MYOF: variants seen among roughly 807,000 people sequenced by gnomAD.
MYOF encodes fer-1-like 3, myoferlin.
In MYOF, 244 loss-of-function variants were observed where a neutral mutation model predicts 284.2. That is an observed-to-expected ratio of 0.86 (90% CI 0.77 to 0.95). MYOF has a LOEUF of 0.95. Ranked by LOEUF, MYOF falls within the 40% of genes least tolerant of loss-of-function variation. The pLI is 0.00. For missense variants in MYOF, 2,496 were observed against 2,560.6 expected, an observed-to-expected ratio of 0.97 and a Z score of 0.54; for synonymous variants, 904 against 919.7, an observed-to-expected ratio of 0.98 and a Z score of 0.31.
At chr10:93,340,967 G>A (rs545164119) in intron 38 of MYOF, among the ~76,000 whole-genome samples, 1 of 152,138 alleles carries the variant, frequency 6.6e-6, no homozygotes, top group Non-Finnish European at 1.5e-5. Context: ...TCTTCCTCCG[G>A]TTGCCATGTG....
intron 29 of MYOF, among the ~76,000 whole-genome samples, chr10:93,359,107 C>T (rs1337365459): frequency 6.6e-6 from 1 of 152,124 alleles, no homozygotes; most frequent in East Asian, 1.9e-4. Context: ...TAGTGCCTAC[C>T]GGAGTTACCC....
chr10:93,323,249 G>A (rs1169336863), intron 47 of MYOF, 21 bp downstream of exon 47: 2 of 1,613,748 alleles, frequency 1.2e-6, no homozygotes, highest in African/African-American at 1.3e-5. Context: ...ATGTATCAGG[G>A]TCTCAGGATG....
chr10:93,306,839 C>T lies in MYOF; in HGVS notation c.*124G>A, dbSNP rs1010741574. ...AGACCCTCTGGGAATCAATGGGGCT[C>T]GGTGACATGGCGTAACCTGCTACTG... is the stretch of plus-strand genomic sequence containing the variant. On this transcript the variant is annotated 3_prime_UTR_variant, in exon 54 of 54. Transcript: ENST00000359263. The T allele has an allele frequency of 2.3e-5, 23 of 1,002,118 alleles. No homozygotes were observed. The highest frequency in any genetic ancestry group is 4.9e-5 in the African/African-American group (3 of 60,650). The allele number at this position is 1,002,118 out of a possible 1,614,324, so 62.1% of individuals were successfully genotyped here.
chr10:93,308,722 A>AT (rs1450032650), intron 53 of MYOF, among the ~76,000 whole-genome samples: 5 of 151,216 alleles, frequency 3.3e-5, no homozygotes, highest in Admixed American at 1.3e-4. Context: ...CTACGATACT[A>AT]TTTTTTTGAG....
intron 37 of MYOF, among the ~76,000 whole-genome samples, chr10:93,345,496 G>T (rs1284681479): frequency 6.6e-6 from 1 of 152,158 alleles, no homozygotes; most frequent in Non-Finnish European, 1.5e-5. Flanking sequence ...TGATATATCA[G>T]TTACTGTGTG....
At chr10:93,328,470 AT>A (rs1050845551) in intron 45 of MYOF, among the ~76,000 whole-genome samples, 1 of 152,192 alleles carries the variant, frequency 6.6e-6, no homozygotes, top group South Asian at 2.1e-4. Context: ...CTGTATGGGC[AT>A]TTTTTTAGCT....
intron 39 of MYOF, among the ~76,000 whole-genome samples, 182 bp downstream of exon 39, chr10:93,339,971 C>A (rs915900282): frequency 6.6e-6 from 1 of 151,968 alleles, no homozygotes; most frequent in Admixed American, 6.6e-5. Context: ...TCCAGCTACG[C>A]GGGAGGCTGA....
intron 40 of MYOF, among the ~76,000 whole-genome samples, chr10:93,337,133 G>GTT (rs1554840423): frequency 1.6e-4 from 22 of 135,256 alleles, no homozygotes; most frequent in African/African-American, 3.0e-4. Context: ...AAAGGTGTGG[G>GTT]TTTTTTTTTT....
At chr10:93,463,394 A>AATTT (rs34592074) in intron 1 of MYOF, among the ~76,000 whole-genome samples, 31,506 of 79,606 alleles carry the variant, frequency 0.4, 7,742 homozygotes, top group South Asian at 0.56. Context: ...GTCTCTACAA[A>AATTT]TTTTTTTTTT....
At chr10:93,307,201 G>T (rs773350171) in intron 53 of MYOF, among the ~76,000 whole-genome samples, 200 bp from the exon 54 acceptor site, 1 of 147,572 alleles carries the variant, frequency 6.8e-6, no homozygotes, top group South Asian at 2.3e-4. Context: ...CCCCCGCCAA[G>T]TTGTTGCAAC....
chr10:93,469,653 G>A (rs1564742741), intron 1 of MYOF, among the ~76,000 whole-genome samples: 2 of 152,182 alleles, frequency 1.3e-5, no homozygotes, highest in African/African-American at 4.8e-5. Flanking sequence ...ACTGCCAAGA[G>A]TAAGCAGCAG....
At chr10:93,336,148 G>T (rs1182905218) in intron 40 of MYOF, 102 bp from the exon 41 acceptor site, 2 of 1,348,558 alleles carry the variant, frequency 1.5e-6, no homozygotes, top group African/African-American at 2.9e-5. Context: ...TGTGGATGGG[G>T]CGACCGGAAC....
chr10:93,370,983 G>A lies in MYOF; in HGVS notation c.2458-1207C>T, dbSNP rs369013028. Among the ~76,000 whole-genome samples the A allele has an allele frequency of 1.3e-3, 194 of 152,210 alleles. 9 individuals carry two copies. In the South Asian group the frequency reaches 0.039, roughly 31 times the overall value. ...AAAATAATAGAGTGTTGGAAAACAT[G>A]AATCTGTAACAATAAGTTTGATAGC... On this transcript the variant is annotated intron_variant, in intron 24 of 53. Coordinates refer to ENST00000359263, the MANE Select transcript of MYOF (RefSeq NM_013451.4).
At chr10:93,454,918 G>A (rs112523695) in intron 2 of MYOF, among the ~76,000 whole-genome samples, 5 of 147,882 alleles carry the variant, frequency 3.4e-5, no homozygotes, top group African/African-American at 1.3e-4. Context: ...GATCGAGGCT[G>A]TAGTAAGATA....
intron 49 of MYOF, 79 bp downstream of exon 49, chr10:93,319,793 C>A: frequency 6.3e-7 from 1 of 1,579,238 alleles, no homozygotes. Flanking sequence ...AGATCCTGAG[C>A]AGCTCCAGCA....
At position 93,374,859 on chromosome 10, in the gene MYOF, C is replaced by T. The variant is rs1296941234; in HGVS notation, c.2205G>A (p.Glu735=). 1 of 1,614,170 alleles carries T rather than the reference C, an allele frequency of 6.2e-7. No homozygotes were observed. Among genetic ancestry groups the T allele is most frequent in the Non-Finnish European group, 8.5e-7 (1 of 1,180,028 alleles). The stretch of plus-strand genomic sequence containing the variant: ...CTTCCGACCTCATCCTCACAGCCGC[C>T]TCATGTATTTGGGAGAGAGACCTGG... ...LRSRSLSQIH[E]AAVRMRSEAT... Residue 735 remains glutamate (E), a synonymous_variant, in exon 23 of 54, where the codon GAG becomes GAA. Coordinates refer to ENST00000359263, the MANE Select transcript of MYOF (RefSeq NM_013451.4).
intron 5 of MYOF, among the ~76,000 whole-genome samples, chr10:93,412,743 A>C (rs1847950311): frequency 6.6e-6 from 1 of 152,224 alleles, no homozygotes; most frequent in African/African-American, 2.4e-5. Context: ...TAAATGTGGA[A>C]TGAGTAAACA....
Position 93,356,576 on chromosome 10 carries a change from G to A in MYOF, c.3294+99C>T, listed in dbSNP as rs182554098. 177 of 1,302,902 alleles carry A rather than the reference G, an allele frequency of 1.4e-4. No homozygotes were observed. The East Asian group carries it at 2.4e-3, about 18-fold the overall frequency. 80.7% of individuals were successfully genotyped at this position (1,302,902 alleles called of 1,614,324 possible). A position where few individuals can be genotyped will look rare whatever the true frequency, so the allele number is the denominator to read the frequency against. ...TAATATTTGCCATCTTATAGTACCA[G>A]GGTTACAGGGACCTCTATGGAGTTG... On this transcript the variant is annotated intron_variant, in intron 30 of 53. Coordinates refer to ENST00000359263, the MANE Select transcript of MYOF (RefSeq NM_013451.4).
At chr10:93,432,911 C>T (rs933609901) in intron 3 of MYOF, among the ~76,000 whole-genome samples, 4 of 152,150 alleles carry the variant, frequency 2.6e-5, no homozygotes, top group South Asian at 2.1e-4. Flanking sequence ...AGAATTAATA[C>T]TCAAAACATT....
Sources: allele counts gnomAD v4.1 joint callset (sites outside exome capture counted in the v4.1 genomes callset), GRCh38; gene constraint gnomAD v4.1.1; transcripts MANE v1.5; gene names NCBI Gene and HGNC (gene_info 2026-07-23, HGNC 2026-07-21).